Variants in FHIT observed in about 807,000 individuals in gnomAD.
The protein encoded by FHIT is fragile histidine triad diadenosine triphosphatase, also known as bis(5'-adenosyl)-triphosphatase.
A neutral mutation model predicts 17.9 loss-of-function variants in FHIT; 19 were observed. The ratio of observed to expected loss-of-function variants is 1.06; its 90% confidence interval spans 0.74 to 1.56. The LOEUF (loss-of-function observed/expected upper bound fraction) is 1.56, where lower values mean the gene tolerates loss of function less well. Among genes scored for constraint, FHIT ranks in the 40% most tolerant of loss-of-function variants. FHIT has a pLI of 0.00. For synonymous variants in FHIT, 81 were observed against 69.7 expected, an observed-to-expected ratio of 1.16 and a Z score of -0.81; for missense variants, 248 against 189.2, an observed-to-expected ratio of 1.31 and a Z score of -1.82.
At chr3:61,209,153 C>T (rs2039361850) in intron 1 of FHIT, among the ~76,000 whole-genome samples, 1 of 152,040 alleles carries the variant, frequency 6.6e-6, no homozygotes, top group African/African-American at 2.4e-5. Flanking sequence ...CCCCCACTCT[C>T]TTCTGGCTTG....
chr3:60,483,511 A>G (rs1416055099), intron 5 of FHIT, among the ~76,000 whole-genome samples: 1 of 152,196 alleles, frequency 6.6e-6, no homozygotes, highest in Non-Finnish European at 1.5e-5. Context: ...CTGGGATTCA[A>G]TGGTGGTTCA....
intron 2 of FHIT, among the ~76,000 whole-genome samples, chr3:61,102,587 T>C (rs944881667): frequency 2.6e-5 from 4 of 152,164 alleles, no homozygotes; most frequent in African/African-American, 4.8e-5. Context: ...TTAGGGAGGA[T>C]TCCCTCTTTT....
intron 4 of FHIT, among the ~76,000 whole-genome samples, chr3:60,565,151 GA>G (rs2037087368): frequency 1.3e-5 from 2 of 152,064 alleles, no homozygotes; most frequent in African/African-American, 4.8e-5. Flanking sequence ...CACTTTTTAG[GA>G]ATAATGATAT....
intron 3 of FHIT, among the ~76,000 whole-genome samples, chr3:60,900,977 T>A (rs1167752881): frequency 6.6e-6 from 1 of 152,166 alleles, no homozygotes; most frequent in African/African-American, 2.4e-5. Context: ...GAAGTTTCAC[T>A]GTGTTGGCCA....
At chr3:60,929,398 A>G (rs1480543529) in intron 3 of FHIT, among the ~76,000 whole-genome samples, 1 of 152,210 alleles carries the variant, frequency 6.6e-6, no homozygotes, top group Non-Finnish European at 1.5e-5. Context: ...AGGGCATTCA[A>G]TTAGGAAAAG....
intron 5 of FHIT, among the ~76,000 whole-genome samples, chr3:60,131,916 TC>T (rs1699612779): frequency 6.6e-6 from 1 of 152,084 alleles, no homozygotes; most frequent in African/African-American, 2.4e-5. Flanking sequence ...TGAACTCCCT[TC>T]CACTGTTTCA....
chr3:60,021,290 C>CATGT (rs1700545037), intron 5 of FHIT, among the ~76,000 whole-genome samples: 1 of 152,184 alleles, frequency 6.6e-6, no homozygotes, highest in Non-Finnish European at 1.5e-5. Flanking sequence ...ATGCCCTGAG[C>CATGT]TGCCCTCAAA....
intron 3 of FHIT, among the ~76,000 whole-genome samples, chr3:61,031,980 G>A (rs75807175): frequency 3.9e-4 from 60 of 152,290 alleles, no homozygotes; most frequent in Non-Finnish European, 7.8e-4. Context: ...GCTCATGGCC[G>A]GTGAGTGAAT....
At chr3:60,280,615 T>A (rs898980715) in intron 5 of FHIT, among the ~76,000 whole-genome samples, 4 of 152,092 alleles carry the variant, frequency 2.6e-5, no homozygotes, top group Admixed American at 2.0e-4. Context: ...CCAGAAGCTG[T>A]CAAGGAATGG....
intron 1 of FHIT, among the ~76,000 whole-genome samples, chr3:61,221,403 A>G (rs9843007): frequency 3.3e-5 from 5 of 152,074 alleles, no homozygotes; most frequent in East Asian, 1.9e-4. Flanking sequence ...TGCAGATGCA[A>G]TATTAAAACA....
At chr3:61,197,886 CTTT>C (rs151262196) in intron 2 of FHIT, among the ~76,000 whole-genome samples, 12,604 of 152,088 alleles carry the variant, frequency 0.083, 1,114 homozygotes, top group East Asian at 0.41. Context: ...CATACACCTT[CTTT>C]GAGAGCTAAG....
intron 3 of FHIT, among the ~76,000 whole-genome samples, chr3:60,984,320 G>A (rs887428705): frequency 6.6e-6 from 1 of 152,164 alleles, no homozygotes; most frequent in Non-Finnish European, 1.5e-5. Context: ...GAATTGATCT[G>A]CTAATGTTCT....
chr3:60,755,020 T>G (rs778928509), intron 4 of FHIT, among the ~76,000 whole-genome samples: 1 of 152,202 alleles, frequency 6.6e-6, no homozygotes, highest in Non-Finnish European at 1.5e-5. Flanking sequence ...AATTTAAATA[T>G]TATTAGAGAA....
At chr3:60,131,092 CAT>C (rs1699577047) in intron 5 of FHIT, among the ~76,000 whole-genome samples, 1 of 87,662 alleles carries the variant, frequency 1.1e-5, no homozygotes, top group Non-Finnish European at 2.2e-5. Flanking sequence ...CATATATACA[CAT>C]ATATACACAC....
At chr3:60,111,472 T>C (rs543468012) in intron 5 of FHIT, among the ~76,000 whole-genome samples, 3 of 152,296 alleles carry the variant, frequency 2.0e-5, no homozygotes, top group African/African-American at 7.2e-5. Flanking sequence ...CCTAGAAAAA[T>C]GATGCCAACC....
chr3:59,776,330 G>T (rs1445920881), intron 8 of FHIT, among the ~76,000 whole-genome samples: 1 of 152,242 alleles, frequency 6.6e-6, no homozygotes. Context: ...TTCAGTGGAG[G>T]TGACAGCTAC....
At chr3:60,599,537 A>T (rs980199154) in intron 4 of FHIT, among the ~76,000 whole-genome samples, 2 of 152,188 alleles carry the variant, frequency 1.3e-5, no homozygotes, top group Non-Finnish European at 2.9e-5. Context: ...TATCAGAAAC[A>T]TCATCACAGT....
chr3:61,066,113 A>T (rs1056087915), intron 2 of FHIT, among the ~76,000 whole-genome samples: 1 of 152,216 alleles, frequency 6.6e-6, no homozygotes, highest in Non-Finnish European at 1.5e-5. Flanking sequence ...GCAAGAAGTG[A>T]CTAAACTCAC....
At chr3:60,332,357 A>G (rs1710021026) in intron 5 of FHIT, among the ~76,000 whole-genome samples, 1 of 152,240 alleles carries the variant, frequency 6.6e-6, no homozygotes, top group African/African-American at 2.4e-5. Context: ...TCAAGGAGGT[A>G]TGCTTGGCTA....
Sources: allele counts gnomAD v4.1 joint callset (sites outside exome capture counted in the v4.1 genomes callset), GRCh38; gene constraint gnomAD v4.1.1; transcripts MANE v1.5; gene names NCBI Gene and HGNC (gene_info 2026-07-23, HGNC 2026-07-21).